Variants in IL1RAPL1 observed in about 807,000 individuals in gnomAD.
IL1RAPL1 encodes the protein interleukin 1 receptor accessory protein like 1.
In IL1RAPL1, 3 loss-of-function variants were observed where a neutral mutation model predicts 48.4. The observed-to-expected ratio is 0.06, with a 90% CI of 0.03 to 0.16. The LOEUF is 0.16. Ranked by LOEUF, IL1RAPL1 falls within the 10% of genes least tolerant of loss-of-function variation. The pLI is 1.00. For missense variants in IL1RAPL1, 349 were observed against 530.6 expected (o/e 0.66, Z 3.36); for synonymous variants, 185 against 187.7 (o/e 0.99, Z 0.12).
intron 5 of IL1RAPL1, among the ~76,000 whole-genome samples, chrX:29,420,634 C>G (rs1934279581): frequency 8.9e-6 from 1 of 112,024 alleles, no homozygotes; most frequent in Non-Finnish European, 1.9e-5. Context: ...GGCCCTCGAG[C>G]CACGACTTTG....
At chrX:29,712,367 A>G (rs1339875902) in intron 6 of IL1RAPL1, among the ~76,000 whole-genome samples, 1 of 111,774 alleles carries the variant, frequency 8.9e-6, no homozygotes, top group African/African-American at 3.2e-5. Context: ...TACTCTAGGA[A>G]TGATGCTATA....
chrX:28,717,926 A>G (rs2146938158), intron 1 of IL1RAPL1, among the ~76,000 whole-genome samples: 1 of 111,842 alleles, frequency 8.9e-6, no homozygotes, highest in South Asian at 3.7e-4. Context: ...GAGCTTCCTG[A>G]AAGGCTGATC....
chrX:28,741,264 T>C (rs1268741285), intron 1 of IL1RAPL1, among the ~76,000 whole-genome samples: 1 of 111,919 alleles, frequency 8.9e-6, no homozygotes, highest in Non-Finnish European at 1.9e-5. Flanking sequence ...TTCATTGTGG[T>C]TTGGATTTTG....
intron 1 of IL1RAPL1, among the ~76,000 whole-genome samples, chrX:28,759,939 G>A (rs1936149328): frequency 8.9e-6 from 1 of 111,738 alleles, no homozygotes; most frequent in African/African-American, 3.2e-5. Context: ...TCTAAATCAT[G>A]CATGCCTGTT....
At chrX:29,929,160 C>T (rs1282193723) in intron 8 of IL1RAPL1, among the ~76,000 whole-genome samples, 1 of 111,234 alleles carries the variant, frequency 9.0e-6, no homozygotes, top group African/African-American at 3.3e-5. Flanking sequence ...TTTAGGAAAG[C>T]ACACAAAGGT....
At chrX:29,917,415 A>C in intron 6 of IL1RAPL1, 49 bp from the exon 7 acceptor site, 1 of 1,163,801 alleles carries the variant, frequency 8.6e-7, no homozygotes, top group Non-Finnish European at 1.2e-6. Context: ...GCCTAAAATA[A>C]GTGTGAACAA....
intron 6 of IL1RAPL1, among the ~76,000 whole-genome samples, chrX:29,673,967 C>G (rs1274791563): frequency 8.9e-6 from 1 of 112,064 alleles, no homozygotes; most frequent in South Asian, 3.7e-4. Flanking sequence ...AACTAGTATT[C>G]GTATTTTGAG....
At chrX:28,759,740 G>A (rs773792912) in intron 1 of IL1RAPL1, among the ~76,000 whole-genome samples, 19 of 111,714 alleles carry the variant, frequency 1.7e-4, no homozygotes, top group Non-Finnish European at 3.2e-4. Context: ...AAAATGGTAC[G>A]AAATGATCAC....
chrX:29,674,957 A>G (rs1395618560), intron 6 of IL1RAPL1, among the ~76,000 whole-genome samples: 1 of 112,499 alleles, frequency 8.9e-6, no homozygotes, highest in Non-Finnish European at 1.9e-5. Context: ...TTTTAAAAAA[A>G]TCGAATCTGC....
Position 28,768,751 on chromosome X carries a change from CTCTCTATATATA to C in IL1RAPL1, c.-24-20567_-24-20556del, listed in dbSNP as rs1166141210. 1.8e-3 allele frequency among the ~76,000 whole-genome samples: 117 copies of C among 63,369 alleles called. 1 individual carries two copies. The highest frequency in any genetic ancestry group is 7.4e-3 in the African/African-American group (113 of 15,306). The allele number at this position is 63,369 out of a possible 115,157, so 55.0% of individuals were successfully genotyped here. On this transcript the variant is annotated intron_variant, in intron 1 of 10. Transcript: ENST00000378993. ...TCTGTCTCTCTCTCTCTCTCTCTCTCTCTCTATATATATATATATATATATATACACACACTA... is the reference window on the plus strand; with the variant it reads ...TCTGTCTCTCTCTCTCTCTCTCTCTCTATATATATATATATACACACACTA...
intron 5 of IL1RAPL1, among the ~76,000 whole-genome samples, chrX:29,647,213 G>A (rs1453411213): frequency 6.3e-5 from 7 of 110,584 alleles, no homozygotes; most frequent in Non-Finnish European, 1.3e-4. Context: ...AGCTGGGCGT[G>A]GTGGCACGCG....
intron 3 of IL1RAPL1, among the ~76,000 whole-genome samples, chrX:29,338,270 TAC>T (rs898418959): frequency 3.6e-5 from 4 of 109,805 alleles, no homozygotes; most frequent in Admixed American, 9.8e-5. Context: ...CACACACACA[TAC>T]ACACACACAC....
chrX:29,584,272 A>G (rs1302990467), intron 5 of IL1RAPL1, among the ~76,000 whole-genome samples: 1 of 111,207 alleles, frequency 9.0e-6, no homozygotes, highest in African/African-American at 3.3e-5. Flanking sequence ...TTCTCCCATC[A>G]TCAATTTTCT....
At chrX:28,846,625 T>G (rs1921516063) in intron 2 of IL1RAPL1, among the ~76,000 whole-genome samples, 1 of 112,065 alleles carries the variant, frequency 8.9e-6, no homozygotes, top group African/African-American at 3.2e-5. Context: ...TTCTAATAGG[T>G]GTGTAGTGAT....
At chrX:28,628,110 C>T (rs971729678) in intron 1 of IL1RAPL1, among the ~76,000 whole-genome samples, 1 of 111,388 alleles carries the variant, frequency 9.0e-6, no homozygotes, top group Non-Finnish European at 1.9e-5. Context: ...TGGCTGTCAC[C>T]TGGGTCATGT....
intron 3 of IL1RAPL1, among the ~76,000 whole-genome samples, chrX:29,306,190 T>G (rs1329330196): frequency 8.9e-6 from 1 of 112,107 alleles, no homozygotes; most frequent in Non-Finnish European, 1.9e-5. Flanking sequence ...TTTAATTCCC[T>G]CCAATCCAGC....
chrX:29,919,822 C>T (rs1932831501), intron 7 of IL1RAPL1, 127 bp from the exon 8 acceptor site: 4 of 656,810 alleles, frequency 6.1e-6, no homozygotes, highest in Non-Finnish European at 1.0e-5. Flanking sequence ...AGCATCAATT[C>T]ATAGCCAAAT....
intron 2 of IL1RAPL1, among the ~76,000 whole-genome samples, chrX:29,184,456 CT>C (rs767202507): frequency 4.5e-5 from 5 of 111,829 alleles, no homozygotes; most frequent in Admixed American, 9.5e-5. Flanking sequence ...TAACATGCCC[CT>C]GTAGAATGCC....
rs970837652 is a variant in IL1RAPL1, at chrX:29,708,729, A to G, written c.778+40225A>G. 7.1e-5 allele frequency among the ~76,000 whole-genome samples: 8 copies of G among 112,172 alleles called. 1 individual carries two copies. Among genetic ancestry groups the G allele is most frequent in the Admixed American group, 6.6e-4 (7 of 10,541 alleles). ...TGCCAATTTCAATTCCTTGGGAAAT[A>G]TACCCAGAAGTGGGATTGTTAGATT... On this transcript the variant is annotated intron_variant, in intron 6 of 10. Transcript: ENST00000378993.
Sources: gnomAD v4.1 joint callset for allele counts (sites outside exome capture counted in the v4.1 genomes callset) on GRCh38, gnomAD v4.1.1 for gene constraint, MANE v1.5 for transcripts, NCBI Gene and HGNC (gene_info 2026-07-23, HGNC 2026-07-21) for gene names.